CWH43: variants seen among roughly 807,000 people sequenced by gnomAD.
The protein encoded by CWH43 is PGAP2-interacting protein.
A neutral mutation model predicts 85.7 loss-of-function variants in CWH43; 91 were observed. That is an observed-to-expected ratio of 1.06 (90% CI 0.90 to 1.26). The LOEUF is 1.26. Among genes scored for constraint, CWH43 ranks in the 50% most tolerant of loss-of-function variants. CWH43 has a pLI of 0.00. For synonymous variants in CWH43, 323 were observed against 293.6 expected (o/e 1.10, Z -1.02); for missense variants, 869 against 839.2 (o/e 1.04, Z -0.44).
At chr4:49,021,582 G>A (rs1186434664) in intron 9 of CWH43, among the ~76,000 whole-genome samples, 1 of 152,056 alleles carries the variant, frequency 6.6e-6, no homozygotes, top group East Asian at 1.9e-4. Context: ...CCAGTTCTGT[G>A]AAGAATGATG....
At chr4:49,006,997 A>G (rs753240681) in intron 7 of CWH43, 7 of 441,350 alleles carry the variant, frequency 1.6e-5, no homozygotes, top group East Asian at 1.2e-4. Context: ...CCTGTCATTT[A>G]AAGCACGATT....
At chr4:49,037,061 A>G (rs1379504175) in intron 12 of CWH43, among the ~76,000 whole-genome samples, 3 of 152,136 alleles carry the variant, frequency 2.0e-5, no homozygotes, top group African/African-American at 7.2e-5. Context: ...TAGCTAACCA[A>G]TTCCCTATAT....
intron 1 of CWH43, 28 bp downstream of exon 1, chr4:48,986,500 C>G (rs1388645323): frequency 2.1e-5 from 33 of 1,551,140 alleles, no homozygotes; most frequent in Non-Finnish European, 2.7e-5. Flanking sequence ...GCCGCGAGTT[C>G]GCGGGTGCCA....
Position 48,992,230 on chromosome 4 carries a change from T to A in CWH43, c.511+140T>A. 1 of 751,528 alleles carries A rather than the reference T, an allele frequency of 1.3e-6. No homozygotes were observed. Among genetic ancestry groups the A allele is most frequent in the Non-Finnish European group, 2.1e-6 (1 of 475,322 alleles). The allele number at this position is 751,528 out of a possible 1,614,324, so 46.6% of individuals were successfully genotyped here. A position where few individuals can be genotyped will look rare whatever the true frequency, so the allele number is the denominator to read the frequency against. On this transcript the variant is annotated intron_variant, in intron 4 of 15. Transcript: ENST00000226432. The surrounding 1 kb of genome is among the most constrained non-coding windows in gnomAD (Gnocchi z 4.3). ...TCAGCTTTTTCTTCCTCTGAAATAA[T>A]AATTGGTGCAGCCAGTGGGCTATTT...
At chr4:49,018,051 G>T (rs1388552298) in intron 9 of CWH43, among the ~76,000 whole-genome samples, 3 of 151,762 alleles carry the variant, frequency 2.0e-5, no homozygotes, top group Non-Finnish European at 4.4e-5. Flanking sequence ...TGTTGGCCAG[G>T]ATGGTCTTGA....
At chr4:49,039,939 C>T (rs1784405162) in intron 13 of CWH43, among the ~76,000 whole-genome samples, 1 of 151,942 alleles carries the variant, frequency 6.6e-6, no homozygotes, top group Admixed American at 6.6e-5. Flanking sequence ...TGTTCCCCTT[C>T]CTGTGTCCAT....
intron 15 of CWH43, among the ~76,000 whole-genome samples, chr4:49,061,501 C>A (rs1477788246): frequency 1.3e-5 from 2 of 152,116 alleles, no homozygotes; most frequent in African/African-American, 4.8e-5. Flanking sequence ...ACATGAATAG[C>A]ATTTCAGGCT....
intron 8 of CWH43, among the ~76,000 whole-genome samples, chr4:49,010,715 G>A (rs1783330034): frequency 6.6e-6 from 1 of 152,076 alleles, no homozygotes; most frequent in African/African-American, 2.4e-5. Context: ...CTTTATTTCT[G>A]CCTTCATTTC....
chr4:49,014,364 G>C (rs1307852746), intron 8 of CWH43, among the ~76,000 whole-genome samples: 4 of 151,836 alleles, frequency 2.6e-5, no homozygotes, highest in Admixed American at 2.6e-4. Flanking sequence ...GGAGGGCGAG[G>C]GTGAAGTGGG....
intron 6 of CWH43, among the ~76,000 whole-genome samples, chr4:49,001,142 G>A (rs1782976177): frequency 6.6e-6 from 1 of 152,222 alleles, no homozygotes; most frequent in East Asian, 1.9e-4. Flanking sequence ...TTTCATACAA[G>A]CAAAGATACA....
At chr4:49,056,175 T>C (rs1214692701) in intron 15 of CWH43, among the ~76,000 whole-genome samples, 2 of 150,012 alleles carry the variant, frequency 1.3e-5, no homozygotes, top group Non-Finnish European at 3.0e-5. Flanking sequence ...GTTTGGTTTT[T>C]TGTTCTTGCG....
chr4:48,995,221 A>T (rs1302369609), intron 5 of CWH43, among the ~76,000 whole-genome samples: 1 of 152,166 alleles, frequency 6.6e-6, no homozygotes, highest in African/African-American at 2.4e-5. Context: ...CAGTCCCCTG[A>T]GGAGACTAGG....
intron 15 of CWH43, among the ~76,000 whole-genome samples, chr4:49,053,977 G>T (rs1784878218): frequency 6.6e-6 from 1 of 152,140 alleles, no homozygotes; most frequent in African/African-American, 2.4e-5. Flanking sequence ...TCTTCAGTCT[G>T]TTGATTGTTT....
intron 14 of CWH43, among the ~76,000 whole-genome samples, chr4:49,045,747 G>A (rs368264251): frequency 1.1e-4 from 16 of 151,726 alleles, no homozygotes; most frequent in East Asian, 9.6e-4. Flanking sequence ...TTTTTAAATC[G>A]ACACATAATA....
intron 14 of CWH43, among the ~76,000 whole-genome samples, 187 bp downstream of exon 14, chr4:49,045,034 T>G (rs1024338130): frequency 1.7e-4 from 26 of 152,284 alleles, no homozygotes; most frequent in African/African-American, 6.3e-4. Context: ...AGTCTCATAA[T>G]TTACAAAAGT....
At chr4:49,047,091 G>A (rs1784648290) in intron 14 of CWH43, among the ~76,000 whole-genome samples, 1 of 152,324 alleles carries the variant, frequency 6.6e-6, no homozygotes, top group Admixed American at 6.5e-5. Flanking sequence ...GACGTTAATG[G>A]ATCTCTTTAA....
intron 8 of CWH43, chr4:49,016,659 G>A (rs1783556910): frequency 2.6e-6 from 2 of 758,258 alleles, no homozygotes; most frequent in Admixed American, 3.4e-5. Flanking sequence ...GCAGGGGAGG[G>A]GCAGTTACTG....
At chr4:49,010,485 C>T (rs181786798) in intron 8 of CWH43, among the ~76,000 whole-genome samples, 1 of 152,208 alleles carries the variant, frequency 6.6e-6, no homozygotes, top group Non-Finnish European at 1.5e-5. Flanking sequence ...TTTCGTTCTG[C>T]TCTGATCTTA....
Position 48,992,831 on chromosome 4 carries a change from CA to C in CWH43, c.511+746del, listed in dbSNP as rs1451933889. Reference sequence around the variant, plus strand: ...GGAAGTTTAGAGGGTATTGGCTCACCAAAAAGTGCTTGTATAATTCCCCCTG... The same window carrying C: ...GGAAGTTTAGAGGGTATTGGCTCACCAAAAGTGCTTGTATAATTCCCCCTG... On this transcript the variant is annotated intron_variant, in intron 4 of 15. Transcript: ENST00000226432. This position sits in a 1 kb window ranked among gnomAD's most constrained non-coding sequence, Gnocchi z 4.3. 1.3e-5 allele frequency among the ~76,000 whole-genome samples: 2 copies of C among 152,116 alleles called. No homozygotes were observed. Among genetic ancestry groups the C allele is most frequent in the African/African-American group, 4.8e-5 (2 of 41,414 alleles).
Sources: gnomAD v4.1 joint callset for allele counts (sites outside exome capture counted in the v4.1 genomes callset) on GRCh38, gnomAD v4.1.1 for gene constraint, Gnocchi (gnomAD v3.1) non-coding constraint, MANE v1.5 for transcripts, NCBI Gene and HGNC (gene_info 2026-07-23, HGNC 2026-07-21) for gene names.